GRIP2: variants seen among roughly 807,000 people sequenced by gnomAD.
GRIP2 encodes glutamate receptor-interacting protein 2.
GRIP2 carries 58 observed loss-of-function variants against 108.3 expected under a neutral mutation model. The ratio of observed to expected loss-of-function variants is 0.54; its 90% CI spans 0.43 to 0.67. The LOEUF is 0.67. Ranked by LOEUF, GRIP2 falls within the 30% of genes least tolerant of loss-of-function variation. The probability of loss-of-function intolerance (pLI) is 0.00; values close to 1 mark genes in which losing one functional copy is unlikely to be tolerated. For synonymous variants in GRIP2, 586 were observed against 598.2 expected, an observed-to-expected ratio of 0.98 and a Z score of 0.30; for missense variants, 1,278 against 1,430.6, an observed-to-expected ratio of 0.89 and a Z score of 1.72.
rs1346758937 is a variant in GRIP2 at position 14,509,979 on chromosome 3, A to T, written c.1934-15T>A. ...CTCCAGCTCATCTGCAAGCACGGGG[A>T]CCCATGAGGAGGAGGCCCCCGAGGG... On this transcript the variant is annotated splice_polypyrimidine_tract_variant and intron_variant, in intron 16 of 23. Transcript: ENST00000621039. 1 of 1,464,976 alleles carries T rather than the reference A, an allele frequency of 6.8e-7. No homozygotes were observed. The highest frequency in any genetic ancestry group is 2.4e-5 in the Admixed American group (1 of 42,188). The allele number at this position is 1,464,976 out of a possible 1,614,324, so 90.7% of individuals were successfully genotyped here. A position where few individuals can be genotyped will look rare whatever the true frequency, so the allele number is the denominator to read the frequency against.
the GRIP2 span, among the ~76,000 whole-genome samples, chr3:14,584,131 G>A: frequency 0.75 from 113,546 of 152,074 alleles, 43,011 homozygotes; most frequent in South Asian, 0.87. Context: ...CAGTAGGTGA[G>A]GGGAGTAGCT....
chr3:14,497,186 C>T (rs916667568), intron 21 of GRIP2, among the ~76,000 whole-genome samples: 5 of 152,118 alleles, frequency 3.3e-5, no homozygotes, highest in Admixed American at 2.0e-4. Flanking sequence ...AGGCTGGTTT[C>T]GAACTCCTGA....
the GRIP2 span, among the ~76,000 whole-genome samples, chr3:14,600,804 C>T: frequency 1.3e-5 from 2 of 152,154 alleles, no homozygotes; most frequent in East Asian, 3.9e-4. Context: ...CACCAGCCAC[C>T]CTCTGATTTA....
chr3:14,598,394 C>A, the GRIP2 span, among the ~76,000 whole-genome samples: 1 of 151,962 alleles, frequency 6.6e-6, no homozygotes, highest in East Asian at 1.9e-4. Context: ...GCTCCCTTAA[C>A]AGTCCATAAC....
Position 14,522,818 on chromosome 3 carries a change from C to T in GRIP2, c.566+182G>A, listed in dbSNP as rs1694450271. On this transcript the variant is annotated intron_variant, in intron 6 of 23. Coordinates refer to ENST00000621039, the MANE Select transcript of GRIP2 (RefSeq NM_001080423.4). This position sits in a 1 kb window ranked among gnomAD's most constrained non-coding sequence, Gnocchi z 4.3. ...GGGGAAGAAAGGGCTCGAGGTTTCCCTCATTTGGGGTTACATCCCGGTTCC... is the reference window on the plus strand; with the variant it reads ...GGGGAAGAAAGGGCTCGAGGTTTCCTTCATTTGGGGTTACATCCCGGTTCC... The T allele has an allele frequency of 1.7e-6, 1 of 594,892 alleles. No homozygotes were observed. Among genetic ancestry groups the T allele is most frequent in the Non-Finnish European group, 3.1e-6 (1 of 325,822 alleles). The allele number at this position is 594,892 out of a possible 1,614,324, so 36.9% of individuals were successfully genotyped here.
intron 4 of GRIP2, 108 bp downstream of exon 4, chr3:14,524,285 A>T: frequency 7.6e-7 from 1 of 1,309,522 alleles, no homozygotes; most frequent in Non-Finnish European, 1.0e-6. Flanking sequence ...TCCAGGTTCT[A>T]CCCACTCCAT....
chr3:14,561,680 G>C, the GRIP2 span, among the ~76,000 whole-genome samples: 1 of 152,212 alleles, frequency 6.6e-6, no homozygotes, highest in South Asian at 2.1e-4. Flanking sequence ...CCTGCTTCCC[G>C]AAACAAATTA....
At chr3:14,518,896 T>C (rs1694330502) in intron 9 of GRIP2, among the ~76,000 whole-genome samples, 1 of 152,204 alleles carries the variant, frequency 6.6e-6, no homozygotes, top group Non-Finnish European at 1.5e-5. Context: ...AGGGTTAGAA[T>C]GAGTTAATAA....
At position 14,524,549 on chromosome 3, in the gene GRIP2, A is replaced by G. The variant is rs1031846235; in HGVS notation, c.258-11T>C. 3.2e-6 allele frequency: 5 copies of G among 1,551,162 alleles called. No homozygotes were observed. In the African/African-American group the frequency reaches 5.5e-5, roughly 17 times the overall value. On this transcript the variant is annotated splice_polypyrimidine_tract_variant and intron_variant, in intron 3 of 23. Transcript: ENST00000621039. ...TTCAGCAGATCACTCCTAGAGCAGG[A>G]AGGCCAGGGCACACATGGTAACAGG...
chr3:14,512,180 C>G lies in GRIP2; in HGVS notation c.1720+597G>C, dbSNP rs1026119492. The stretch of plus-strand genomic sequence containing the variant: ...AGGAAGGGGCAGGCATGGCAGGGAG[C>G]AGCCAGGCTGACTGCGGCTGGAGGG... On this transcript the variant is annotated intron_variant, in intron 14 of 23. Transcript: ENST00000621039. The surrounding 1 kb of genome is among the most constrained non-coding windows in gnomAD (Gnocchi z 5.1). 2.0e-5 allele frequency among the ~76,000 whole-genome samples: 3 copies of G among 152,136 alleles called. No individual in the cohort carries two copies. Among genetic ancestry groups the G allele is most frequent in the Admixed American group, 2.0e-4 (3 of 15,284 alleles).
At chr3:14,586,668 G>A in the GRIP2 span, among the ~76,000 whole-genome samples, 1 of 152,222 alleles carries the variant, frequency 6.6e-6, no homozygotes, top group Non-Finnish European at 1.5e-5. Context: ...AATGACAAGT[G>A]TAAGAAATAA....
intron 1 of GRIP2, among the ~76,000 whole-genome samples, chr3:14,551,045 C>T (rs1695139022): frequency 6.6e-6 from 1 of 152,150 alleles, no homozygotes; most frequent in South Asian, 2.1e-4. Flanking sequence ...GGCAGCAAGG[C>T]TTCCAGGCCC....
chr3:14,561,581 G>A, the GRIP2 span, among the ~76,000 whole-genome samples: 1 of 152,186 alleles, frequency 6.6e-6, no homozygotes, highest in Non-Finnish European at 1.5e-5. Context: ...ATCACAGAGG[G>A]ATCCAGGCCA....
At chr3:14,509,994 GC>G (rs1291709760) in intron 16 of GRIP2, 30 bp from the exon 17 acceptor site, 2 of 1,411,124 alleles carry the variant, frequency 1.4e-6, no homozygotes, top group Non-Finnish European at 1.9e-6. Context: ...TGAGGAGGAG[GC>G]CCCCGAGGGG....
At chr3:14,494,775 GCT>G in intron 23 of GRIP2, 66 bp downstream of exon 23, 1 of 1,519,792 alleles carries the variant, frequency 6.6e-7, no homozygotes, top group South Asian at 1.3e-5. Flanking sequence ...ATAGATGCAG[GCT>G]CTTTCCCCAC....
At chr3:14,563,008 T>G in the GRIP2 span, among the ~76,000 whole-genome samples, 2 of 147,254 alleles carry the variant, frequency 1.4e-5, no homozygotes, top group African/African-American at 2.5e-5. Context: ...ATAATGAGAG[T>G]GGGGGAAAAA....
chr3:14,560,711 C>A (rs1323116994), upstream of GRIP2, among the ~76,000 whole-genome samples: 2 of 152,130 alleles, frequency 1.3e-5, no homozygotes, highest in African/African-American at 4.8e-5. Flanking sequence ...ACCTGGAACC[C>A]ACCATGCCTG....
rs758575037 is a variant in GRIP2, at chr3:14,523,046, G to A, written c.520C>T (p.Arg174Cys). ...GGAHEDGHKS[R>C]PLVLTYVRPG... ...CGCACGTAGGTCAGGACAAGCGGGCGGGACTTGTGCCCATCTTCATGGGCA... is the reference window on the plus strand; with the variant it reads ...CGCACGTAGGTCAGGACAAGCGGGCAGGACTTGTGCCCATCTTCATGGGCA... The change falls in exon 6 of 24, where the codon CGC becomes TGC. Residue 174 changes from arginine to cysteine, a missense_variant. Coordinates refer to ENST00000621039, the MANE Select transcript of GRIP2 (RefSeq NM_001080423.4). The A allele has an allele frequency of 8.7e-6, 14 of 1,612,278 alleles. No homozygotes were observed. Among genetic ancestry groups the A allele is most frequent in the South Asian group, 1.1e-5 (1 of 90,886 alleles).
chr3:14,580,387 C>T, the GRIP2 span, among the ~76,000 whole-genome samples: 5 of 152,208 alleles, frequency 3.3e-5, no homozygotes. Context: ...TGTAATGGTT[C>T]ATTCATGCAT....
Sources: gnomAD v4.1 joint callset for allele counts (sites outside exome capture counted in the v4.1 genomes callset) on GRCh38, gnomAD v4.1.1 for gene constraint, Gnocchi (gnomAD v3.1) non-coding constraint, MANE v1.5 for transcripts, NCBI Gene and HGNC (gene_info 2026-07-23, HGNC 2026-07-21) for gene names.